Variants in SI observed in about 807,000 individuals in gnomAD.
The protein encoded by SI is sucrase-isomaltase.
A neutral mutation model predicts 253.3 loss-of-function variants in SI; 235 were observed. The ratio of observed to expected loss-of-function variants is 0.93; its 90% CI spans 0.83 to 1.03. The LOEUF (loss-of-function observed/expected upper bound fraction) is 1.03, where lower values mean the gene tolerates loss of function less well. Ranked by LOEUF, SI falls within the 50% of genes least tolerant of loss-of-function variation. The probability of loss-of-function intolerance (pLI) is 0.00; values close to 1 mark genes in which losing one functional copy is unlikely to be tolerated. For synonymous variants in SI, 819 were observed against 712.0 expected (o/e 1.15, Z -2.39); for missense variants, 2,442 against 2,211.1 (o/e 1.10, Z -2.09).
At chr3:164,985,616 T>A (rs1309867340) in intron 45 of SI, among the ~76,000 whole-genome samples, 1 of 152,166 alleles carries the variant, frequency 6.6e-6, no homozygotes, top group Non-Finnish European at 1.5e-5. Context: ...TTGCTATTAA[T>A]GAAAAAACTA....
At chr3:165,059,751 T>G in intron 10 of SI, 151 bp downstream of exon 10, 4 of 790,520 alleles carry the variant, frequency 5.1e-6, no homozygotes, top group Non-Finnish European at 2.1e-6. Flanking sequence ...GCATTACATA[T>G]GAGATAAAAT....
At chr3:164,997,013 TGACA>T (rs1316141163) in intron 38 of SI, among the ~76,000 whole-genome samples, 1 of 151,696 alleles carries the variant, frequency 6.6e-6, no homozygotes, top group African/African-American at 2.4e-5. Context: ...ACTTGCAAGG[TGACA>T]TATTCAGACA....
chr3:164,987,272 A>G (rs1321189622), intron 44 of SI, 46 bp from the exon 45 acceptor site: 2 of 1,473,442 alleles, frequency 1.4e-6, no homozygotes, highest in Non-Finnish European at 1.9e-6. Context: ...GTAGAATAGC[A>G]TATGTCTAGT....
At chr3:165,062,513 T>C in intron 8 of SI, 30 bp from the exon 9 acceptor site, 1 of 1,106,140 alleles carries the variant, frequency 9.0e-7, no homozygotes, top group East Asian at 2.4e-5. Context: ...AACTTATATG[T>C]AAATAGTGAA....
the SI span, among the ~76,000 whole-genome samples, chr3:165,084,704 C>A: frequency 1.3e-5 from 2 of 151,692 alleles, no homozygotes; most frequent in Admixed American, 6.6e-5. Context: ...ATATTTTATT[C>A]TAGGAAATTT....
In SI at chr3:165,077,246, T is replaced by G. The variant is rs114216856; in HGVS notation, c.-1+1187A>C. Among the ~76,000 whole-genome samples the G allele has an allele frequency of 9.8e-3, 1,485 of 151,736 alleles. 23 individuals are homozygous for G. The highest frequency in any genetic ancestry group is 0.049 in the South Asian group (235 of 4,820). On this transcript the variant is annotated intron_variant, in intron 1 of 47. Coordinates refer to ENST00000264382, the MANE Select transcript of SI (RefSeq NM_001041.4). ...TTCAATCCCTCCCCATCCACTCTTC[T>G]AGGTGAATTCTAAATTTTGCTGAAT...
At chr3:165,022,533 T>TGTCACACA (rs1711676093) in intron 26 of SI, among the ~76,000 whole-genome samples, 1 of 83,380 alleles carries the variant, frequency 1.2e-5, no homozygotes, top group Non-Finnish European at 2.5e-5. Flanking sequence ...TTTTGTGCCA[T>TGTCACACA]CTCACACACA....
At chr3:165,009,132 G>A in intron 35 of SI, 147 bp downstream of exon 35, 2 of 607,370 alleles carry the variant, frequency 3.3e-6, no homozygotes, top group Non-Finnish European at 6.0e-6. Flanking sequence ...TTTAGCAGTT[G>A]TTTGTGTAAG....
intron 21 of SI, 137 bp downstream of exon 21, chr3:165,037,763 T>A: frequency 1.7e-6 from 1 of 598,318 alleles, no homozygotes; most frequent in East Asian, 2.9e-5. Flanking sequence ...CTATGATGGT[T>A]ATAGTTCAGT....
rs202167361 is a variant in SI, at chr3:165,033,387, G to A, written c.2565+8C>T. 12 of 1,554,868 alleles carry A rather than the reference G, an allele frequency of 7.7e-6. No homozygotes were observed. Among genetic ancestry groups the A allele is most frequent in the Non-Finnish European group, 1.0e-5 (12 of 1,146,886 alleles). On this transcript the variant is annotated splice_region_variant and intron_variant, in intron 23 of 47. Coordinates refer to ENST00000264382, the MANE Select transcript of SI (RefSeq NM_001041.4). The stretch of plus-strand genomic sequence containing the variant: ...GCATTTAAGTATATGTACAAAGAGA[G>A]TGCTTACATTAGAAACTGAAAATGT...
At chr3:165,000,900 T>G (rs1207622400) in intron 37 of SI, among the ~76,000 whole-genome samples, 1 of 151,402 alleles carries the variant, frequency 6.6e-6, no homozygotes, top group Non-Finnish European at 1.5e-5. Flanking sequence ...GTGTGTTTAT[T>G]ATTGCCTACA....
At position 165,017,620 on chromosome 3, in the gene SI, A is replaced by G; in HGVS notation, c.3687T>C (p.Cys1229=). The change falls in exon 31 of 48, where the codon TGT becomes TGC. Residue 1229 remains cysteine (C), a synonymous_variant. Coordinates refer to ENST00000264382, the MANE Select transcript of SI (RefSeq NM_001041.4). ...PAYWALGFQL[C]RYGYANTSEV... is the part of the protein sequence containing the mutation. ...CTGAAGTATTTGCATATCCATAACGACATAATTGGAATCCCAAAGCCCAAT... is the reference window on the plus strand; with the variant it reads ...CTGAAGTATTTGCATATCCATAACGGCATAATTGGAATCCCAAAGCCCAAT... 1 of 1,612,806 alleles carries G rather than the reference A, an allele frequency of 6.2e-7. No individual in the cohort carries two copies. Among genetic ancestry groups the G allele is most frequent in the Non-Finnish European group, 8.5e-7 (1 of 1,179,064 alleles).
chr3:165,035,303 T>C (rs1712475361), intron 22 of SI, among the ~76,000 whole-genome samples: 1 of 151,918 alleles, frequency 6.6e-6, no homozygotes, highest in Non-Finnish European at 1.5e-5. Flanking sequence ...ACAGAGAATA[T>C]TTATAATTAA....
At chr3:165,007,069 T>G (rs2108155445) in intron 36 of SI, 115 bp from the exon 37 acceptor site, 1 of 800,694 alleles carries the variant, frequency 1.2e-6, no homozygotes, top group East Asian at 2.7e-5. Flanking sequence ...TTATAAAACC[T>G]ATGTATATTT....
rs998347885 is a variant in SI at position 165,046,702 on chromosome 3, T to G, written c.1887+139A>C. On this transcript the variant is annotated intron_variant, in intron 16 of 47. Transcript: ENST00000264382. ...GATACCATCTGTATTCTTATTTTCC[T>G]CATAAACTCCATAAAAATAAAAAAC... The G allele has an allele frequency of 1.3e-4, 91 of 692,716 alleles. 2 individuals are homozygous for G. In the Middle Eastern group the frequency reaches 3.1e-3, roughly 23 times the overall value. 42.9% of individuals were successfully genotyped at this position (692,716 alleles called of 1,614,324 possible).
chr3:165,052,972 A>G (rs1029305593), intron 13 of SI, among the ~76,000 whole-genome samples: 26 of 151,870 alleles, frequency 1.7e-4, no homozygotes, highest in African/African-American at 6.3e-4. Flanking sequence ...TCATTGAATA[A>G]TTTTGCTTAT....
At chr3:165,047,465 C>T (rs988359563) in intron 15 of SI, among the ~76,000 whole-genome samples, 11 of 151,956 alleles carry the variant, frequency 7.2e-5, no homozygotes, top group Non-Finnish European at 1.6e-4. Flanking sequence ...TGAAACTGGG[C>T]TAATACACCA....
chr3:165,044,611 A>G (rs1713017597), intron 16 of SI, among the ~76,000 whole-genome samples: 1 of 151,888 alleles, frequency 6.6e-6, no homozygotes, highest in African/African-American at 2.4e-5. Flanking sequence ...TATTGTTCTT[A>G]ATTTTTACAG....
intron 34 of SI, 104 bp downstream of exon 34, chr3:165,012,876 A>G (rs1576884638): frequency 2.5e-6 from 2 of 805,272 alleles, no homozygotes; most frequent in East Asian, 4.9e-5. Context: ...TAAAATGGCC[A>G]TCTATTTTTA....
Sources: gnomAD v4.1 joint callset for allele counts (sites outside exome capture counted in the v4.1 genomes callset) on GRCh38, gnomAD v4.1.1 for gene constraint, MANE v1.5 for transcripts, NCBI Gene and HGNC (gene_info 2026-07-23, HGNC 2026-07-21) for gene names.